The following ADGRG7 variants were observed in gnomAD, a reference collection of about 807,000 sequenced individuals.
The protein encoded by ADGRG7 is G-protein coupled receptor 128.
ADGRG7 carries 82 observed loss-of-function variants against 88.6 expected under a neutral mutation model. The ratio of observed to expected loss-of-function variants is 0.93; its 90% CI spans 0.77 to 1.11. The LOEUF is 1.11. Among genes scored for constraint, ADGRG7 ranks in the 50% most tolerant of loss-of-function variants. ADGRG7 has a pLI of 0.00. For synonymous variants in ADGRG7, 381 were observed against 345.2 expected, an observed-to-expected ratio of 1.10 and a Z score of -1.15; for missense variants, 945 against 953.4, an observed-to-expected ratio of 0.99 and a Z score of 0.12.
chr3:100,610,259 G>A (rs1169369554), intron 1 of ADGRG7, among the ~76,000 whole-genome samples: 2 of 152,296 alleles, frequency 1.3e-5, no homozygotes, highest in East Asian at 1.9e-4. Flanking sequence ...TAATTAAAAC[G>A]ATTAGTAACA....
intron 3 of ADGRG7, among the ~76,000 whole-genome samples, chr3:100,631,643 T>A (rs555960515): frequency 6.6e-6 from 1 of 152,302 alleles, no homozygotes; most frequent in South Asian, 2.1e-4. Flanking sequence ...TTGACAAAGA[T>A]GTTTGATAAA....
chr3:100,672,286 G>T (rs1330783181), intron 15 of ADGRG7, among the ~76,000 whole-genome samples: 1 of 152,122 alleles, frequency 6.6e-6, no homozygotes, highest in Admixed American at 6.5e-5. Flanking sequence ...CTTGTAAGTT[G>T]TATTTCTAGA....
intron 1 of ADGRG7, 89 bp downstream of exon 1, chr3:100,610,060 C>A (rs890320610): frequency 1.9e-6 from 2 of 1,047,708 alleles, no homozygotes; most frequent in East Asian, 2.5e-5. Context: ...CTGGGAGGTA[C>A]CTTGTCCAGT....
At chr3:100,626,675 C>G (rs1242739866) in intron 1 of ADGRG7, among the ~76,000 whole-genome samples, 6 of 152,126 alleles carry the variant, frequency 3.9e-5, no homozygotes, top group Non-Finnish European at 8.8e-5. Context: ...GTCCCAGCTA[C>G]TCGGGAGGCT....
intron 8 of ADGRG7, among the ~76,000 whole-genome samples, chr3:100,645,055 G>A (rs1332051071): frequency 6.6e-6 from 1 of 152,166 alleles, no homozygotes; most frequent in African/African-American, 2.4e-5. Context: ...CAAATCAGAT[G>A]ACTGAATACT....
At position 100,627,385 on chromosome 3, in the gene ADGRG7, C is replaced by A. The variant is rs1036727815; in HGVS notation, c.116-2213C>A. Among the ~76,000 whole-genome samples, 5 of 152,294 alleles carry A rather than the reference C, an allele frequency of 3.3e-5. No individual in the cohort carries two copies. The South Asian group carries it at 6.2e-4, about 19-fold the overall frequency. ...TAATTGATTTTCTATTGATTGCCAACCTAACCTTGCATCCCTGGGATAAAT... is the reference window on the plus strand; with the variant it reads ...TAATTGATTTTCTATTGATTGCCAAACTAACCTTGCATCCCTGGGATAAAT... On this transcript the variant is annotated intron_variant, in intron 1 of 15. Transcript: ENST00000273352.
At chr3:100,623,126 A>AT (rs1553690270) in intron 1 of ADGRG7, among the ~76,000 whole-genome samples, 1 of 152,028 alleles carries the variant, frequency 6.6e-6, no homozygotes, top group Non-Finnish European at 1.5e-5. Flanking sequence ...CTAATTATCA[A>AT]TTTTTTTCTA....
rs757088830 is a variant in ADGRG7, at chr3:100,656,031, A to G, written c.1823+36A>G. 7 of 1,309,500 alleles carry G rather than the reference A, an allele frequency of 5.3e-6. No homozygotes were observed. In the East Asian group the frequency reaches 9.2e-5, roughly 17 times the overall value. The allele number at this position is 1,309,500 out of a possible 1,614,324, so 81.1% of individuals were successfully genotyped here. A position where few individuals can be genotyped will look rare whatever the true frequency, so the allele number is the denominator to read the frequency against. On this transcript the variant is annotated intron_variant, in intron 13 of 15. Coordinates refer to ENST00000273352, the MANE Select transcript of ADGRG7 (RefSeq NM_032787.3). ...ATTTTTTTAAATGTCCAATTGTTTGACCTAAAAGTGTAACTGTTCAGTGAT... is the reference window on the plus strand; with the variant it reads ...ATTTTTTTAAATGTCCAATTGTTTGGCCTAAAAGTGTAACTGTTCAGTGAT...
chr3:100,637,988 G>A (rs1261410603), intron 6 of ADGRG7, among the ~76,000 whole-genome samples: 8 of 152,202 alleles, frequency 5.3e-5, no homozygotes, highest in African/African-American at 1.2e-4. Flanking sequence ...TGTCAGGAGC[G>A]AACTCTGTGC....
chr3:100,630,734 G>A lies in ADGRG7; in HGVS notation c.259G>A (p.Gly87Ser). ...ANFCENSTYM[G>S]FTFARIPVGR... ...TTTTTGTGAAAATAGTACCTATATGGGTTTTACTTTTGCCAGAATCCCAGT... is the reference window on the plus strand; with the variant it reads ...TTTTTGTGAAAATAGTACCTATATGAGTTTTACTTTTGCCAGAATCCCAGT... The change falls in exon 3 of 16, where the codon GGT becomes AGT. Residue 87 changes from glycine to serine, a missense_variant. Physicochemically the swap from Gly to Ser is moderately conservative, Grantham distance 56. Coordinates refer to ENST00000273352, the MANE Select transcript of ADGRG7 (RefSeq NM_032787.3). 1 of 1,458,050 alleles carries A rather than the reference G, an allele frequency of 6.9e-7. No individual in the cohort carries two copies. The highest frequency in any genetic ancestry group is 1.6e-5 in the South Asian group (1 of 61,846). The allele number at this position is 1,458,050 out of a possible 1,614,324, so 90.3% of individuals were successfully genotyped here.
chr3:100,646,666 G>A lies in ADGRG7; in HGVS notation c.1208G>A (p.Gly403Asp), dbSNP rs142978790. Residue 403 changes from glycine to aspartate, a missense_variant, in exon 10 of 16, where the codon GGC (glycine) becomes GAC (aspartate). By Grantham distance (94) the Gly-to-Asp change is moderately conservative (BLOSUM62 -1). Coordinates refer to ENST00000273352, the MANE Select transcript of ADGRG7 (RefSeq NM_032787.3). Reference protein sequence around the residue: ...WDTYGCQKDKGTDGFLRCRCN... With the variant: ...WDTYGCQKDKDTDGFLRCRCN... ...ACATATGGCTGTCAAAAAGACAAGGGCACTGATGGATTCCTGCGCTGCCGC... is the reference window on the plus strand; with the variant it reads ...ACATATGGCTGTCAAAAAGACAAGGACACTGATGGATTCCTGCGCTGCCGC... 2.8e-5 allele frequency: 45 copies of A among 1,614,146 alleles called. No homozygotes were observed. In the African/African-American group the frequency reaches 5.6e-4, roughly 20 times the overall value.
At chr3:100,689,134 G>A (rs2094988584) in intron 15 of ADGRG7, among the ~76,000 whole-genome samples, 1 of 152,048 alleles carries the variant, frequency 6.6e-6, no homozygotes, top group African/African-American at 2.4e-5. Flanking sequence ...TTATGTAATG[G>A]CCTTCTTTGT....
At chr3:100,690,720 C>A (rs1007429196) in intron 15 of ADGRG7, among the ~76,000 whole-genome samples, 1 of 152,182 alleles carries the variant, frequency 6.6e-6, no homozygotes, top group Non-Finnish European at 1.5e-5. Context: ...CCTGATCGTT[C>A]CTCTGGAAGT....
intron 15 of ADGRG7, among the ~76,000 whole-genome samples, chr3:100,682,862 G>A (rs1044707008): frequency 6.6e-6 from 1 of 152,184 alleles, no homozygotes; most frequent in Non-Finnish European, 1.5e-5. Flanking sequence ...TTGCCTTGTC[G>A]CAGCTGCTGA....
chr3:100,635,808 C>T lies in ADGRG7; in HGVS notation c.579C>T (p.Ser193=), dbSNP rs1476835909. The T allele has an allele frequency of 1.2e-6, 2 of 1,612,180 alleles. No individual in the cohort carries two copies. The highest frequency in any genetic ancestry group is 1.1e-5 in the South Asian group (1 of 90,254). The change falls in exon 5 of 16, where the codon TCC becomes TCT. Residue 193 remains serine, a synonymous_variant. Coordinates refer to ENST00000273352, the MANE Select transcript of ADGRG7 (RefSeq NM_032787.3). ...TRVVGQIFNT[S]RNASPEAKKV... ...TGGTTGGACAGATATTCAACACTTC[C>T]AGAAATGCTTCACCTGAGGTAAAAC...
At chr3:100,614,896 A>C (rs1707202634) in intron 1 of ADGRG7, among the ~76,000 whole-genome samples, 2 of 152,228 alleles carry the variant, frequency 1.3e-5, no homozygotes, top group African/African-American at 4.8e-5. Context: ...GAAAATGTGT[A>C]GTAAAAACAT....
At chr3:100,685,795 T>G (rs2149041935) in intron 15 of ADGRG7, among the ~76,000 whole-genome samples, 1 of 152,322 alleles carries the variant, frequency 6.6e-6, no homozygotes, top group South Asian at 2.1e-4. Context: ...TTGGGTTGGT[T>G]CCAAGTCTTT....
intron 10 of ADGRG7, among the ~76,000 whole-genome samples, chr3:100,647,217 C>A (rs774532426): frequency 5.1e-4 from 77 of 152,056 alleles, no homozygotes; most frequent in Non-Finnish European, 9.6e-4. Context: ...TAGAATAGAA[C>A]TTTTTGCTAT....
chr3:100,659,557 T>C, intron 13 of ADGRG7, 131 bp from the exon 14 acceptor site: 1 of 681,132 alleles, frequency 1.5e-6, no homozygotes, highest in East Asian at 2.9e-5. Flanking sequence ...ATCTCAAATG[T>C]GTAAAATGCA....
Sources: allele counts gnomAD v4.1 joint callset (sites outside exome capture counted in the v4.1 genomes callset), GRCh38; gene constraint gnomAD v4.1.1; transcripts MANE v1.5; gene names NCBI Gene and HGNC (gene_info 2026-07-23, HGNC 2026-07-21).